Variants in ADK observed in about 807,000 individuals in gnomAD.
ADK encodes N6,N6-dimethyladenosine kinase.
A neutral mutation model predicts 44.7 loss-of-function variants in ADK; 24 were observed. The ratio of observed to expected loss-of-function variants is 0.54; its 90% CI spans 0.39 to 0.76. ADK has a LOEUF of 0.76. Among genes scored for constraint, ADK ranks in the 30% least tolerant of loss-of-function variants. The pLI is 0.00. For missense variants in ADK, 321 were observed against 425.1 expected (o/e 0.76, Z 2.15); for synonymous variants, 128 against 142.6 (o/e 0.90, Z 0.73).
At chr10:74,287,604 C>T (rs1459183547) in intron 3 of ADK, among the ~76,000 whole-genome samples, 2 of 151,932 alleles carry the variant, frequency 1.3e-5, no homozygotes, top group Non-Finnish European at 2.9e-5. Flanking sequence ...TGTCCTATTA[C>T]CTGAAGCAGA....
At chr10:74,656,987 G>A (rs1854511047) in intron 9 of ADK, among the ~76,000 whole-genome samples, 1 of 151,686 alleles carries the variant, frequency 6.6e-6, no homozygotes, top group Non-Finnish European at 1.5e-5. Context: ...AGCCTCCTGA[G>A]TAGCTGGAAC....
chr10:74,453,164 G>A (rs1262406460), intron 6 of ADK, among the ~76,000 whole-genome samples: 1 of 151,904 alleles, frequency 6.6e-6, no homozygotes, highest in East Asian at 1.9e-4. Context: ...AATTTAAAAT[G>A]TATATATACC....
intron 2 of ADK, among the ~76,000 whole-genome samples, chr10:74,205,884 C>T (rs1419515345): frequency 1.3e-5 from 2 of 151,994 alleles, no homozygotes; most frequent in Admixed American, 6.6e-5. Flanking sequence ...ATAAAGGTTA[C>T]GTTAGGGGAA....
At chr10:74,571,580 G>A (rs954153454) in intron 7 of ADK, among the ~76,000 whole-genome samples, 1 of 152,180 alleles carries the variant, frequency 6.6e-6, no homozygotes, top group Admixed American at 6.5e-5. Context: ...TTGCGTAGAG[G>A]TGTTTATAGT....
intron 6 of ADK, among the ~76,000 whole-genome samples, chr10:74,456,385 T>G (rs901899711): frequency 1.1e-4 from 16 of 152,002 alleles, no homozygotes; most frequent in Admixed American, 3.3e-4. Context: ...ATTAAGAAAG[T>G]CACTCAAGGC....
chr10:74,247,042 T>C (rs1211790164), intron 3 of ADK, among the ~76,000 whole-genome samples: 1 of 151,876 alleles, frequency 6.6e-6, no homozygotes. Context: ...TTTTAAAGTG[T>C]AAAGTGGTCC....
At chr10:74,341,364 CA>C (rs35746333) in intron 4 of ADK, among the ~76,000 whole-genome samples, 112 of 141,622 alleles carry the variant, frequency 7.9e-4, no homozygotes, top group East Asian at 4.1e-3. Context: ...ACTAAAAATA[CA>C]AAAAAAAAAA....
chr10:74,489,487 G>A (rs1450936196), intron 6 of ADK, among the ~76,000 whole-genome samples: 1 of 151,876 alleles, frequency 6.6e-6, no homozygotes, highest in African/African-American at 2.4e-5. Flanking sequence ...CCATTTATGT[G>A]TGTATGTACA....
rs80083408 is a variant in ADK at position 74,389,249 on chromosome 10, A to G, written c.274-4892A>G. 5.1e-3 allele frequency among the ~76,000 whole-genome samples: 774 copies of G among 152,364 alleles called. 12 individuals are homozygous for G. Among genetic ancestry groups the G allele is most frequent in the African/African-American group, 0.017 (722 of 41,586 alleles). On this transcript the variant is annotated intron_variant, in intron 4 of 10. Coordinates refer to ENST00000539909, the MANE Select transcript of ADK (RefSeq NM_006721.4). ...AAGAAGGAGCATAATCAAAGGTTATAAACAAGGTTGAATCTCCATCCTGGA... is the reference window on the plus strand; with the variant it reads ...AAGAAGGAGCATAATCAAAGGTTATGAACAAGGTTGAATCTCCATCCTGGA...
intron 9 of ADK, among the ~76,000 whole-genome samples, chr10:74,652,198 C>T (rs1421297386): frequency 1.3e-5 from 2 of 151,664 alleles, no homozygotes; most frequent in South Asian, 2.1e-4. Context: ...CCCACCACCA[C>T]GCCCAACTAA....
intron 9 of ADK, among the ~76,000 whole-genome samples, chr10:74,658,879 TACACAC>T (rs567084013): frequency 6.6e-6 from 1 of 150,634 alleles, no homozygotes; most frequent in Non-Finnish European, 1.5e-5. Context: ...TAATTCATTA[TACACAC>T]ACACACACAC....
intron 9 of ADK, among the ~76,000 whole-genome samples, chr10:74,646,357 A>G (rs1234439009): frequency 6.6e-6 from 1 of 152,222 alleles, no homozygotes; most frequent in Non-Finnish European, 1.5e-5. Context: ...CACTAGTTAG[A>G]TTCAAACATA....
chr10:74,665,555 A>C (rs1336279839), intron 9 of ADK, among the ~76,000 whole-genome samples: 2 of 152,112 alleles, frequency 1.3e-5, no homozygotes, highest in African/African-American at 4.8e-5. Context: ...GAACACAGCA[A>C]GACCCTGTCT....
chr10:74,163,229 G>A (rs953810480), intron 1 of ADK, among the ~76,000 whole-genome samples: 5 of 152,188 alleles, frequency 3.3e-5, no homozygotes, highest in African/African-American at 1.2e-4. Flanking sequence ...GCCTCCCAAA[G>A]TGTTGGGATT....
chr10:74,258,991 G>A (rs1845935780), intron 3 of ADK, among the ~76,000 whole-genome samples: 2 of 124,030 alleles, frequency 1.6e-5, no homozygotes, highest in South Asian at 2.6e-4. Flanking sequence ...TCCCTGTGTC[G>A]CCCAGGCTGG....
At chr10:74,276,203 T>C (rs534233234) in intron 3 of ADK, among the ~76,000 whole-genome samples, 1 of 152,360 alleles carries the variant, frequency 6.6e-6, no homozygotes, top group East Asian at 1.9e-4. Flanking sequence ...TATATGATTC[T>C]GTTGTGTAAT....
intron 3 of ADK, among the ~76,000 whole-genome samples, chr10:74,252,952 G>A (rs1845698840): frequency 6.6e-6 from 1 of 152,204 alleles, no homozygotes; most frequent in African/African-American, 2.4e-5. Flanking sequence ...TTTAGAGATA[G>A]TATATGGTTA....
At chr10:74,338,327 A>C (rs1338123551) in intron 4 of ADK, among the ~76,000 whole-genome samples, 1 of 152,228 alleles carries the variant, frequency 6.6e-6, no homozygotes, top group Non-Finnish European at 1.5e-5. Flanking sequence ...TGATAGGAAA[A>C]TGACACAGCC....
intron 4 of ADK, among the ~76,000 whole-genome samples, chr10:74,352,703 A>G (rs1842003115): frequency 6.6e-6 from 1 of 152,242 alleles, no homozygotes; most frequent in African/African-American, 2.4e-5. Context: ...TCCAGAATCT[A>G]CAGGAACTTA....
Sources: allele counts gnomAD v4.1 joint callset (sites outside exome capture counted in the v4.1 genomes callset), GRCh38; gene constraint gnomAD v4.1.1; transcripts MANE v1.5; gene names NCBI Gene and HGNC (gene_info 2026-07-23, HGNC 2026-07-21).